The following RBFOX1 variants were observed in gnomAD, a reference collection of about 807,000 sequenced individuals.
The protein encoded by RBFOX1 is RNA binding protein fox-1 homolog 1.
RBFOX1 carries 8 observed loss-of-function variants against 57.7 expected under a neutral mutation model. The ratio of observed to expected loss-of-function variants is 0.14; its 90% confidence interval spans 0.08 to 0.25. The LOEUF (loss-of-function observed/expected upper bound fraction) is 0.25. RBFOX1 is among the 10% of genes least tolerant of loss of function. The pLI is 1.00. For synonymous variants in RBFOX1, 326 were observed against 222.4 expected, an observed-to-expected ratio of 1.47 and a Z score of -4.15; for missense variants, 611 against 548.5, an observed-to-expected ratio of 1.11 and a Z score of -1.14.
intron 1 of RBFOX1, among the ~76,000 whole-genome samples, chr16:5,410,917 T>G (rs191494748): frequency 6.6e-6 from 1 of 152,362 alleles, no homozygotes; most frequent in East Asian, 1.9e-4. Context: ...CTTTACATCT[T>G]GATTGTTTTC....
chr16:7,084,857 GTCTA>G (rs111658417), intron 4 of RBFOX1, among the ~76,000 whole-genome samples: 223 of 151,820 alleles, frequency 1.5e-3, no homozygotes, highest in African/African-American at 4.6e-3. Flanking sequence ...CTGTCTTTCT[GTCTA>G]TCTATCTATC....
At chr16:5,520,955 T>C (rs2043988455) in intron 2 of RBFOX1, among the ~76,000 whole-genome samples, 1 of 152,218 alleles carries the variant, frequency 6.6e-6, no homozygotes, top group Admixed American at 6.5e-5. Context: ...CACAGCCAAC[T>C]GCAGCCTGTG....
chr16:5,826,426 C>T (rs2056057944), intron 3 of RBFOX1, among the ~76,000 whole-genome samples: 1 of 152,076 alleles, frequency 6.6e-6, no homozygotes. Flanking sequence ...CAGGAGGTGG[C>T]AAACTATTTC....
At chr16:6,774,549 A>T (rs753696531) in intron 3 of RBFOX1, among the ~76,000 whole-genome samples, 19 of 152,152 alleles carry the variant, frequency 1.2e-4, no homozygotes, top group Non-Finnish European at 2.4e-4. Context: ...TATTTAAGGG[A>T]AGAAGCAGCT....
At chr16:7,294,182 TG>T (rs2095847165) in intron 4 of RBFOX1, among the ~76,000 whole-genome samples, 2 of 152,060 alleles carry the variant, frequency 1.3e-5, no homozygotes, top group Non-Finnish European at 2.9e-5. Context: ...CCCACCCACT[TG>T]TTCATTAGGA....
chr16:7,226,125 C>T (rs1163197555), intron 4 of RBFOX1, among the ~76,000 whole-genome samples: 1 of 151,958 alleles, frequency 6.6e-6, no homozygotes, highest in African/African-American at 2.4e-5. Flanking sequence ...TTTGTCTTGA[C>T]CAGGAGAAAA....
At position 6,369,033 on chromosome 16, in the gene RBFOX1, T is replaced by C. The variant is rs1026028847; in HGVS notation, c.-64+51976T>C. ...ACATGCTTGTGTAAAATTGAAACTA[T>C]GGAAAATAATGTGAAACAAATTAGT... On this transcript the variant is annotated intron_variant, in intron 2 of 15. Transcript: ENST00000550418. Among the ~76,000 whole-genome samples, 11 of 152,220 alleles carry C rather than the reference T, an allele frequency of 7.2e-5. 1 individual carries two copies. The highest frequency in any genetic ancestry group is 3.3e-4 in the Admixed American group (5 of 15,276).
At chr16:6,716,226 G>T (rs2064792467) in intron 3 of RBFOX1, among the ~76,000 whole-genome samples, 2 of 152,180 alleles carry the variant, frequency 1.3e-5, no homozygotes, top group Admixed American at 1.3e-4. Context: ...GCAAGAAATT[G>T]CTTCTCTTAG....
chr16:6,678,359 A>C (rs1274070802), intron 3 of RBFOX1, among the ~76,000 whole-genome samples: 4 of 152,044 alleles, frequency 2.6e-5, no homozygotes, highest in Non-Finnish European at 4.4e-5. Flanking sequence ...CCTGACCTCA[A>C]GTCATCTACC....
intron 4 of RBFOX1, among the ~76,000 whole-genome samples, chr16:6,009,852 A>G (rs1367962637): frequency 9.0e-6 from 1 of 110,778 alleles, no homozygotes; most frequent in Non-Finnish European, 2.0e-5. Context: ...GGATTTGAAA[A>G]TTCAGATTCC....
At chr16:6,006,376 A>G (rs201203660) in intron 4 of RBFOX1, among the ~76,000 whole-genome samples, 22 of 28,694 alleles carry the variant, frequency 7.7e-4, no homozygotes, top group East Asian at 2.3e-3. Flanking sequence ...TACTGTAGGG[A>G]AAAAAAAAAA....
chr16:7,065,398 C>G (rs796264835), intron 4 of RBFOX1, among the ~76,000 whole-genome samples: 21 of 152,284 alleles, frequency 1.4e-4, no homozygotes, highest in African/African-American at 5.1e-4. Flanking sequence ...TCAGCATCAT[C>G]TCCAAGCACC....
chr16:7,565,636 G>A (rs2091492029), intron 5 of RBFOX1, among the ~76,000 whole-genome samples: 1 of 152,290 alleles, frequency 6.6e-6, no homozygotes, highest in African/African-American at 2.4e-5. Context: ...AAAGTACTTC[G>A]CAGTGGGTAC....
intron 1 of RBFOX1, among the ~76,000 whole-genome samples, chr16:5,336,763 C>T (rs2064905826): frequency 6.6e-6 from 1 of 152,182 alleles, no homozygotes. Flanking sequence ...AGCCCCCCTC[C>T]TTCTGGTGAG....
At chr16:7,106,984 A>AAAGC (rs529197707) in intron 4 of RBFOX1, among the ~76,000 whole-genome samples, 1 of 148,514 alleles carries the variant, frequency 6.7e-6, no homozygotes, top group African/African-American at 2.5e-5. Context: ...ACACAGTTAA[A>AAAGC]ACACACACAC....
intron 4 of RBFOX1, among the ~76,000 whole-genome samples, chr16:5,961,232 C>A (rs138301421): frequency 1.3e-4 from 20 of 152,054 alleles, no homozygotes; most frequent in African/African-American, 4.8e-4. Flanking sequence ...AAATTTGCAC[C>A]ACAGAGCATG....
intron 1 of RBFOX1, among the ~76,000 whole-genome samples, chr16:5,294,695 C>T (rs146485743): frequency 6.6e-6 from 1 of 152,032 alleles, no homozygotes; most frequent in Admixed American, 6.6e-5. Context: ...CATTTGGACC[C>T]CTTTGTGTGC....
intron 2 of RBFOX1, among the ~76,000 whole-genome samples, chr16:5,487,003 G>A (rs1334195475): frequency 3.9e-5 from 6 of 152,064 alleles, no homozygotes; most frequent in African/African-American, 1.4e-4. Context: ...TTTGCACAAA[G>A]TGTCCTTCCC....
At chr16:5,661,297 T>C (rs970523879) in intron 3 of RBFOX1, among the ~76,000 whole-genome samples, 2 of 152,224 alleles carry the variant, frequency 1.3e-5, no homozygotes, top group East Asian at 3.9e-4. Flanking sequence ...TCAGTGACAG[T>C]GAACATTTTG....
Sources: gnomAD v4.1 joint callset for allele counts (sites outside exome capture counted in the v4.1 genomes callset) on GRCh38, gnomAD v4.1.1 for gene constraint, MANE v1.5 for transcripts, NCBI Gene and HGNC (gene_info 2026-07-23, HGNC 2026-07-21) for gene names.